The following MYT1L variants were observed in gnomAD, a reference collection of about 807,000 sequenced individuals.
The protein encoded by MYT1L is myelin transcription factor 1-like protein.
A neutral mutation model predicts 126.7 loss-of-function variants in MYT1L; 12 were observed. That is an observed-to-expected ratio of 0.09 (90% CI 0.06 to 0.15). The LOEUF is 0.15. Among genes scored for constraint, MYT1L ranks in the 10% least tolerant of loss-of-function variants. MYT1L has a pLI of 1.00. For missense variants in MYT1L, 979 were observed against 1,585.2 expected, an observed-to-expected ratio of 0.62 and a Z score of 6.49; for synonymous variants, 541 against 604.2, an observed-to-expected ratio of 0.90 and a Z score of 1.53.
At chr2:1,982,702 C>T (rs1452040549) in intron 5 of MYT1L, among the ~76,000 whole-genome samples, 1 of 152,196 alleles carries the variant, frequency 6.6e-6, no homozygotes, top group Non-Finnish European at 1.5e-5. Flanking sequence ...GAGAGACACA[C>T]TCCGAGCTTG....
chr2:2,212,792 C>T (rs140767670), intron 2 of MYT1L, among the ~76,000 whole-genome samples: 93 of 152,244 alleles, frequency 6.1e-4, no homozygotes, highest in African/African-American at 2.2e-3. Context: ...TTGAATTAGG[C>T]CACCAAAGAA....
intron 3 of MYT1L, among the ~76,000 whole-genome samples, chr2:2,168,813 C>T (rs2089566074): frequency 6.6e-6 from 1 of 152,118 alleles, no homozygotes; most frequent in South Asian, 2.1e-4. Context: ...TTTTTACTTC[C>T]AAGAAATAAT....
At chr2:2,296,661 C>T (rs2095698766) in intron 1 of MYT1L, among the ~76,000 whole-genome samples, 1 of 152,122 alleles carries the variant, frequency 6.6e-6, no homozygotes, top group African/African-American at 2.4e-5. Flanking sequence ...TGTGGTACCT[C>T]AGGCCCGGTG....
At chr2:1,897,856 C>T (rs935523808) in intron 14 of MYT1L, among the ~76,000 whole-genome samples, 6 of 152,124 alleles carry the variant, frequency 3.9e-5, no homozygotes, top group Non-Finnish European at 7.3e-5. Context: ...CTGTATGTTA[C>T]GAGCAATGCA....
intron 21 of MYT1L, among the ~76,000 whole-genome samples, chr2:1,838,814 G>A (rs1048361040): frequency 2.0e-5 from 3 of 152,082 alleles, no homozygotes; most frequent in Non-Finnish European, 4.4e-5. Context: ...TGTGAATTTC[G>A]GGTGAAATAA....
rs564849714 is a variant in MYT1L, at chr2:1,820,008, T to A, written c.3081-10841A>T. ...AGCTCACTGGCAGCAGCCTGGAGGA[T>A]GCTTGCAGAGGGCAGAGGGCAGTGG... On this transcript the variant is annotated intron_variant, in intron 21 of 24. Coordinates refer to ENST00000647738, the MANE Select transcript of MYT1L (RefSeq NM_001303052.2). Among the ~76,000 whole-genome samples the A allele has an allele frequency of 5.4e-5, 8 of 146,956 alleles. No homozygotes were observed. The East Asian group carries it at 1.6e-3, about 30-fold the overall frequency.
chr2:2,086,571 T>C (rs2076370272), intron 3 of MYT1L, among the ~76,000 whole-genome samples: 1 of 152,098 alleles, frequency 6.6e-6, no homozygotes, highest in African/African-American at 2.4e-5. Flanking sequence ...ACACATAGAA[T>C]CACTCTGCAA....
intron 2 of MYT1L, among the ~76,000 whole-genome samples, chr2:2,278,615 CAT>C (rs1232904185): frequency 6.6e-6 from 1 of 152,100 alleles, no homozygotes; most frequent in East Asian, 1.9e-4. Flanking sequence ...GCATATCTAA[CAT>C]ATTAGAACTT....
chr2:2,032,361 G>A (rs1160170009), intron 4 of MYT1L, among the ~76,000 whole-genome samples: 4 of 75,948 alleles, frequency 5.3e-5, no homozygotes, highest in Non-Finnish European at 7.2e-5. Flanking sequence ...CACACCCGTC[G>A]CCAGTGCCTC....
intron 18 of MYT1L, among the ~76,000 whole-genome samples, chr2:1,863,628 A>C (rs4853827): frequency 0.15 from 22,943 of 151,756 alleles, 2,159 homozygotes; most frequent in East Asian, 0.33. Flanking sequence ...TAGAAATGGC[A>C]TGTCCCGCTC....
intron 5 of MYT1L, among the ~76,000 whole-genome samples, chr2:1,990,846 A>T (rs1574286343): frequency 1.3e-5 from 2 of 152,326 alleles, no homozygotes; most frequent in South Asian, 2.1e-4. Flanking sequence ...TACCATGTGA[A>T]GAAGCAAGGC....
intron 3 of MYT1L, among the ~76,000 whole-genome samples, chr2:2,070,467 A>G (rs1025330444): frequency 6.6e-5 from 10 of 152,186 alleles, no homozygotes; most frequent in African/African-American, 2.4e-4. Context: ...ATGACAGGAC[A>G]TGGAAGAACT....
chr2:1,888,256 A>G (rs2048396493), intron 16 of MYT1L, among the ~76,000 whole-genome samples: 1 of 152,198 alleles, frequency 6.6e-6, no homozygotes, highest in South Asian at 2.1e-4. Flanking sequence ...AGGAGGGCTT[A>G]CTTTCAATTA....
At chr2:1,895,338 CAG>C (rs376757439) in intron 14 of MYT1L, among the ~76,000 whole-genome samples, 167 of 152,294 alleles carry the variant, frequency 1.1e-3, no homozygotes, top group African/African-American at 3.2e-3. Flanking sequence ...TAATTCTTTA[CAG>C]AGTTAGAAAA....
chr2:1,789,570 G>A lies in MYT1L; in HGVS notation c.*2297C>T, dbSNP rs533183035. The A allele has an allele frequency of 6.6e-6, 1 of 152,244 alleles. No homozygotes were observed. The highest frequency in any genetic ancestry group is 6.5e-5 in the Admixed American group (1 of 15,292). The allele number at this position is 152,244 out of a possible 1,614,324, so 9.4% of individuals were successfully genotyped here. ...TTTGTGCTTAAAATCCCTTTCCATT[G>A]TACATAGGTGATAACAATAAGAATC... is the stretch of plus-strand genomic sequence containing the variant. On this transcript the variant is annotated 3_prime_UTR_variant, in exon 25 of 25. Transcript: ENST00000647738.
chr2:2,173,333 C>G (rs971806619), intron 2 of MYT1L, among the ~76,000 whole-genome samples: 37 of 152,234 alleles, frequency 2.4e-4, no homozygotes, highest in African/African-American at 8.4e-4. Context: ...TTCTTTAACG[C>G]TTTGATGTAA....
intron 1 of MYT1L, among the ~76,000 whole-genome samples, chr2:2,293,607 T>C (rs2095631430): frequency 6.6e-6 from 1 of 152,128 alleles, no homozygotes; most frequent in Non-Finnish European, 1.5e-5. Flanking sequence ...AACACACCCC[T>C]GAGGAAGTAG....
chr2:2,084,878 G>A (rs1290070373), intron 3 of MYT1L, among the ~76,000 whole-genome samples: 1 of 152,206 alleles, frequency 6.6e-6, no homozygotes, highest in African/African-American at 2.4e-5. Context: ...GTAAACGTTG[G>A]AGGAGGAAAC....
chr2:1,866,685 C>G (rs917098557), intron 18 of MYT1L, among the ~76,000 whole-genome samples: 37 of 27,668 alleles, frequency 1.3e-3, no homozygotes, highest in Non-Finnish European at 1.8e-3. Flanking sequence ...GAGAGAGAGG[C>G]AGAGAGAGAG....
Sources: allele counts gnomAD v4.1 joint callset (sites outside exome capture counted in the v4.1 genomes callset), GRCh38; gene constraint gnomAD v4.1.1; transcripts MANE v1.5; gene names NCBI Gene and HGNC (gene_info 2026-07-23, HGNC 2026-07-21).